Variants in EML5 observed in about 807,000 individuals in gnomAD.
EML5 encodes echinoderm microtubule-associated protein-like 5.
Under a neutral mutation model 250.0 loss-of-function variants are expected in EML5, and 120 were observed. The observed-to-expected ratio is 0.48, with a 90% CI of 0.41 to 0.56. The LOEUF (loss-of-function observed/expected upper bound fraction) is 0.56, where lower values mean the gene tolerates loss of function less well. EML5 is among the 20% of genes least tolerant of loss of function. EML5 has a pLI of 0.00. For missense variants in EML5, 2,006 were observed against 2,437.6 expected, an observed-to-expected ratio of 0.82 and a Z score of 3.73; for synonymous variants, 771 against 806.5, an observed-to-expected ratio of 0.96 and a Z score of 0.75.
At chr14:88,693,403 C>T (rs954571447) in intron 17 of EML5, among the ~76,000 whole-genome samples, 1 of 152,164 alleles carries the variant, frequency 6.6e-6, no homozygotes, top group African/African-American at 2.4e-5. Flanking sequence ...ATTGCTTATG[C>T]AGGGGAACTC....
chr14:88,781,737 G>A (rs1394964400), intron 1 of EML5, among the ~76,000 whole-genome samples: 1 of 152,168 alleles, frequency 6.6e-6, no homozygotes, highest in African/African-American at 2.4e-5. Context: ...CTCTGCACTT[G>A]TCCTTGCTGC....
intron 37 of EML5, chr14:88,621,823 T>C (rs1434960474): frequency 1.8e-5 from 8 of 453,688 alleles, no homozygotes; most frequent in Non-Finnish European, 3.1e-5. Context: ...CTATAGGGCA[T>C]AGGGTAATAC....
intron 40 of EML5, 21 bp from the exon 41 acceptor site, chr14:88,618,352 G>T (rs1238991351): frequency 6.2e-7 from 1 of 1,603,784 alleles, no homozygotes; most frequent in South Asian, 1.1e-5. Flanking sequence ...AGATTAAAAT[G>T]GGACAAGAAT....
chr14:88,618,922 C>T lies in EML5; in HGVS notation c.5376-110G>A, dbSNP rs150647434. Reference sequence around the variant, plus strand: ...TTAAAAGTAACGTGTGATAAGGCCTCAAATAGATTTACCTGTCAGACACAA... The same window carrying T: ...TTAAAAGTAACGTGTGATAAGGCCTTAAATAGATTTACCTGTCAGACACAA... On this transcript the variant is annotated intron_variant, in intron 39 of 43. Transcript: ENST00000554922. 777 of 1,085,620 alleles carry T rather than the reference C, an allele frequency of 7.2e-4. 4 individuals carry two copies. The African/African-American group carries it at 0.011, about 15-fold the overall frequency. The allele number at this position is 1,085,620 out of a possible 1,614,324, so 67.2% of individuals were successfully genotyped here.
intron 17 of EML5, among the ~76,000 whole-genome samples, chr14:88,691,127 T>C (rs759060704): frequency 1.8e-4 from 27 of 152,154 alleles, no homozygotes; most frequent in African/African-American, 2.2e-4. Flanking sequence ...AGTCTAGTAG[T>C]TGCCCCATTT....
chr14:88,643,609 AT>A (rs1333466791), intron 30 of EML5, among the ~76,000 whole-genome samples: 3 of 152,160 alleles, frequency 2.0e-5, no homozygotes, highest in Non-Finnish European at 4.4e-5. Context: ...GAGGGACTGT[AT>A]TTTTTGTGTC....
At chr14:88,675,082 G>A (rs2141090833) in intron 21 of EML5, among the ~76,000 whole-genome samples, 1 of 152,348 alleles carries the variant, frequency 6.6e-6, no homozygotes, top group African/African-American at 2.4e-5. Context: ...GGCATTCAGT[G>A]CCTGTGGCTT....
At chr14:88,756,701 A>T (rs2094164805) in intron 1 of EML5, among the ~76,000 whole-genome samples, 1 of 152,116 alleles carries the variant, frequency 6.6e-6, no homozygotes, top group South Asian at 2.1e-4. Context: ...AACGAACAAT[A>T]AAAAAATTAA....
intron 17 of EML5, among the ~76,000 whole-genome samples, chr14:88,690,325 A>G (rs1334994953): frequency 6.6e-6 from 1 of 152,244 alleles, no homozygotes; most frequent in East Asian, 1.9e-4. Context: ...TGACTTCTGG[A>G]TTGAGAATAG....
chr14:88,698,135 T>G (rs1476501130), intron 14 of EML5, among the ~76,000 whole-genome samples: 1 of 152,160 alleles, frequency 6.6e-6, no homozygotes, highest in South Asian at 2.1e-4. Context: ...TTTTAGAAAA[T>G]TTTTAACATT....
intron 7 of EML5, among the ~76,000 whole-genome samples, chr14:88,728,580 A>T (rs1452193344): frequency 1.3e-5 from 2 of 152,184 alleles, no homozygotes; most frequent in African/African-American, 4.8e-5. Flanking sequence ...GGATCATCAT[A>T]AAAGTCTACA....
chr14:88,617,406 CA>C (rs1341814991), intron 41 of EML5: 1 of 152,508 alleles, frequency 6.6e-6, no homozygotes, highest in African/African-American at 2.4e-5. Context: ...CTCGGCCTCC[CA>C]AAGTGCTGGG....
At chr14:88,631,957 G>A (rs975231192) in intron 33 of EML5, among the ~76,000 whole-genome samples, 5 of 152,110 alleles carry the variant, frequency 3.3e-5, no homozygotes, top group Non-Finnish European at 5.9e-5. Flanking sequence ...TGATGATACA[G>A]GGAAAATGGA....
chr14:88,668,681 C>A (rs927652706), intron 21 of EML5, among the ~76,000 whole-genome samples: 1 of 152,018 alleles, frequency 6.6e-6, no homozygotes. Flanking sequence ...ATCACAGTTC[C>A]CTGTTTTACT....
chr14:88,661,840 A>G lies in EML5; in HGVS notation c.3499-10T>C. On this transcript the variant is annotated splice_polypyrimidine_tract_variant and intron_variant, in intron 24 of 43. Coordinates refer to ENST00000554922, the MANE Select transcript of EML5 (RefSeq NM_183387.3). ...AAGCAATTTTTTCTACCTAAAAATG[A>G]AAAACAATGCTGTAAGTTTGGATTA... The G allele has an allele frequency of 6.2e-7, 1 of 1,603,732 alleles. No individual in the cohort carries two copies. The highest frequency in any genetic ancestry group is 8.5e-7 in the Non-Finnish European group (1 of 1,174,348).
intron 8 of EML5, among the ~76,000 whole-genome samples, chr14:88,718,243 A>AAATAAGTAAC (rs2093533589): frequency 6.6e-6 from 1 of 152,210 alleles, no homozygotes; most frequent in East Asian, 1.9e-4. Context: ...GTAACTGGAT[A>AAATAAGTAAC]TGCATAGCTC....
chr14:88,726,408 A>T (rs2093667205), intron 8 of EML5, 133 bp downstream of exon 8: 2 of 537,396 alleles, frequency 3.7e-6, no homozygotes, highest in Non-Finnish European at 5.8e-6. Flanking sequence ...TATATTAATA[A>T]GAAGGGGAAG....
Position 88,772,229 on chromosome 14 carries a change from T to C in EML5, c.198-17558A>G, listed in dbSNP as rs2094400329. Among the ~76,000 whole-genome samples, 2 of 152,230 alleles carry C rather than the reference T, an allele frequency of 1.3e-5. 1 individual carries two copies. The highest frequency in any genetic ancestry group is 4.1e-4 in the South Asian group (2 of 4,830). ...GCTCTATCATCACCGTCATTTCTGC[T>C]ACAATCTTAATCTGAACCAGCATTC... On this transcript the variant is annotated intron_variant, in intron 1 of 43. Coordinates refer to ENST00000554922, the MANE Select transcript of EML5 (RefSeq NM_183387.3).
At chr14:88,629,389 T>C (rs2090288545) in intron 33 of EML5, among the ~76,000 whole-genome samples, 1 of 152,186 alleles carries the variant, frequency 6.6e-6, no homozygotes, top group African/African-American at 2.4e-5. Flanking sequence ...AAACCAGAAT[T>C]TATGTTTTAA....
Sources: gnomAD v4.1 joint callset for allele counts (sites outside exome capture counted in the v4.1 genomes callset) on GRCh38, gnomAD v4.1.1 for gene constraint, MANE v1.5 for transcripts, NCBI Gene and HGNC (gene_info 2026-07-23, HGNC 2026-07-21) for gene names.